CCNA1: variants seen among roughly 807,000 people sequenced by gnomAD.
The protein encoded by CCNA1 is cyclin A1, also known as cyclin-A1.
CCNA1 carries 23 observed loss-of-function variants against 54.1 expected under a neutral mutation model. That is an observed-to-expected ratio of 0.42 (90% CI 0.31 to 0.60). The LOEUF (loss-of-function observed/expected upper bound fraction) is 0.60, where lower values mean the gene tolerates loss of function less well. Among genes scored for constraint, CCNA1 ranks in the 20% least tolerant of loss-of-function variants. The probability of loss-of-function intolerance (pLI) is 0.14; values close to 1 mark genes in which losing one functional copy is unlikely to be tolerated. For synonymous variants in CCNA1, 208 were observed against 213.9 expected (o/e 0.97, Z 0.24); for missense variants, 450 against 556.7 (o/e 0.81, Z 1.93).
At position 36,437,771 on chromosome 13, in the gene CCNA1, G is replaced by C. The variant is rs935793918; in HGVS notation, c.440G>C (p.Arg147Thr). The C allele has an allele frequency of 1.2e-6, 2 of 1,614,192 alleles. No individual in the cohort carries two copies. Among genetic ancestry groups the C allele is most frequent in the African/African-American group, 2.7e-5 (2 of 75,052 alleles). The change falls in exon 3 of 9, where the codon AGA becomes ACA. Residue 147 changes from arginine to threonine, a missense_variant. Arg to Thr is a moderately conservative substitution (Grantham distance 71, BLOSUM62 -1). Around this residue, in one of 6 missense-constraint regions of CCNA1, gnomAD observed 103 missense variants for 92.9 expected, o/e 1.11. Coordinates refer to ENST00000255465, the MANE Select transcript of CCNA1 (RefSeq NM_003914.4). ...ATGGATGAACTAGAGCAGGGGGACA[G>C]AGACAGCTGCTCGGTCAGAGAGGGG...
At chr13:36,432,430 ACCCTGCCCCG>A (rs949240009), upstream of CCNA1, 2 of 224,886 alleles carry the variant, frequency 8.9e-6, no homozygotes, top group African/African-American at 6.4e-5. Context: ...GCCCTGCCCA[ACCCTGCCCCG>A]CCCTGCCCCG....
Position 36,442,753 on chromosome 13 carries a change from A to C in CCNA1, c.*88A>C. ...AGGCTTCTGCACGTTGGATCAACTA[A>C]TGTTGTTTACAATATAGATGACATT... On this transcript the variant is annotated 3_prime_UTR_variant, in exon 9 of 9. Coordinates refer to ENST00000255465, the MANE Select transcript of CCNA1 (RefSeq NM_003914.4). 9.6e-7 allele frequency: 1 copy of C among 1,046,644 alleles called. No homozygotes were observed. The highest frequency in any genetic ancestry group is 1.5e-6 in the Non-Finnish European group (1 of 674,126). 64.8% of individuals were successfully genotyped at this position (1,046,644 alleles called of 1,614,324 possible).
At position 36,442,290 on chromosome 13, in the gene CCNA1, G is replaced by C; in HGVS notation, c.1332G>C (p.Lys444Asn). 1 of 1,613,876 alleles carries C rather than the reference G, an allele frequency of 6.2e-7. No homozygotes were observed. The highest frequency in any genetic ancestry group is 1.6e-4 in the Middle Eastern group (1 of 6,062). The change falls in exon 8 of 9, where the codon AAG becomes AAC. Residue 444 changes from lysine to asparagine, a missense_variant. Lys to Asn is a moderately conservative substitution (Grantham distance 94). Transcript: ENST00000255465. ...GACCTCAGCAAGCAATTAGGGAGAA[G>C]TACAAGGCTTCAAAGTAAGTCACTG...
chr13:36,432,774 T>C (rs1454534293), intron 1 of CCNA1, 45 bp downstream of exon 1: 2 of 1,271,696 alleles, frequency 1.6e-6, no homozygotes, highest in Admixed American at 3.7e-5. Flanking sequence ...GTCAGAATGT[T>C]TCTCTCCTTC....
rs768345943 is a variant in CCNA1, at chr13:36,432,663, T to C, written c.42T>C (p.Phe14=). Residue 14 remains phenylalanine (F), a synonymous_variant, in exon 1 of 9, where the codon TTT becomes TTC. Transcript: ENST00000255465. Reference sequence around the variant, plus strand: ...CCGCAATCATGTACCCTGGATCTTTTATTGGGGGCTGGGGAGAAGAGTATC... The same window carrying C: ...CCGCAATCATGTACCCTGGATCTTTCATTGGGGGCTGGGGAGAAGAGTATC... The C allele has an allele frequency of 5.6e-6, 9 of 1,610,270 alleles. 1 individual carries two copies. The African/African-American group carries it at 8.0e-5, about 14-fold the overall frequency.
At chr13:36,437,977 T>A in intron 3 of CCNA1, 90 bp from the exon 4 acceptor site, 1 of 1,571,546 alleles carries the variant, frequency 6.4e-7, no homozygotes, top group Admixed American at 1.8e-5. Context: ...CAGCAAGTAA[T>A]AACTGTATTC....
chr13:36,432,734 C>T lies in CCNA1; in HGVS notation c.108+5C>T, dbSNP rs2055729923. The T allele has an allele frequency of 1.9e-6, 3 of 1,583,930 alleles. No homozygotes were observed. Among genetic ancestry groups the T allele is most frequent in the Admixed American group, 1.7e-5 (1 of 59,672 alleles). ...CTCCCAGATTTCGTCTTCCAGGTAACGTGGGTTTAGTATCCCGACTTGGAG... is the reference window on the plus strand; with the variant it reads ...CTCCCAGATTTCGTCTTCCAGGTAATGTGGGTTTAGTATCCCGACTTGGAG... On this transcript the variant is annotated splice_donor_5th_base_variant and intron_variant, in intron 1 of 8. Coordinates refer to ENST00000255465, the MANE Select transcript of CCNA1 (RefSeq NM_003914.4).
chr13:36,432,927 T>C, intron 1 of CCNA1, 106 bp from the exon 2 acceptor site: 1 of 1,096,544 alleles, frequency 9.1e-7, no homozygotes, highest in Non-Finnish European at 1.4e-6. Flanking sequence ...CAATTGGTGT[T>C]AGTCCCATTG....
chr13:36,440,974 C>G (rs935048873), intron 6 of CCNA1, 144 bp from the exon 7 acceptor site: 5 of 535,072 alleles, frequency 9.3e-6, no homozygotes, highest in Non-Finnish European at 1.3e-5. Flanking sequence ...CAATTACTAA[C>G]CCAGTAAGTA....
chr13:36,442,421 A>C (rs1338454980), intron 8 of CCNA1, 117 bp downstream of exon 8: 2 of 1,230,520 alleles, frequency 1.6e-6, no homozygotes, highest in East Asian at 4.8e-5. Flanking sequence ...TTGGAAAAGT[A>C]AGGGTACGTG....
At chr13:36,432,278 C>A, upstream of CCNA1, 1 of 252,672 alleles carries the variant, frequency 4.0e-6, no homozygotes, top group Non-Finnish European at 7.5e-6. Context: ...ATTCAACAGA[C>A]GCGGGTGGGC....
chr13:36,442,163 T>C lies in CCNA1; in HGVS notation c.1213-8T>C. The C allele has an allele frequency of 6.2e-7, 1 of 1,605,790 alleles. No individual in the cohort carries two copies. Among genetic ancestry groups the C allele is most frequent in the Non-Finnish European group, 8.5e-7 (1 of 1,175,354 alleles). ...TGTGAAGCAATTTTTTTCTTTTGTC[T>C]TGATTAGCCAGAAACCCTTGCTGCA... On this transcript the variant is annotated splice_region_variant and splice_polypyrimidine_tract_variant and intron_variant, in intron 7 of 8. Coordinates refer to ENST00000255465, the MANE Select transcript of CCNA1 (RefSeq NM_003914.4).
chr13:36,432,871 C>T (rs1192276887), intron 1 of CCNA1, 142 bp downstream of exon 1: 7 of 941,802 alleles, frequency 7.4e-6, no homozygotes, highest in Admixed American at 2.1e-5. Flanking sequence ...ATCGCCTGTG[C>T]GGTCGCACCT....
At chr13:36,432,316 G>T (rs1593317699), upstream of CCNA1, 13 of 336,452 alleles carry the variant, frequency 3.9e-5, no homozygotes, top group South Asian at 1.0e-3. Flanking sequence ...AAGCCCGGCC[G>T]CCTCCCAGGC....
chr13:36,438,088 C>T lies in CCNA1; in HGVS notation c.566C>T (p.Ser189Leu). The change falls in exon 4 of 9, where the codon TCA becomes TTA. Residue 189 changes from serine (S) to leucine (L), a missense_variant. By Grantham distance (145) the Ser-to-Leu change is moderately radical (BLOSUM62 -2). This residue lies in a region of CCNA1 where 103 missense variants were observed against 92.9 expected (regional missense o/e 1.11). Coordinates refer to ENST00000255465, the MANE Select transcript of CCNA1 (RefSeq NM_003914.4). ...GCAGTTTCCCCTATGCTGGTAGATT[C>T]ATCTCTCCTCTCCCAGTCTGAAGAT... 6.2e-7 allele frequency: 1 copy of T among 1,613,206 alleles called. No homozygotes were observed. Among genetic ancestry groups the T allele is most frequent in the Non-Finnish European group, 8.5e-7 (1 of 1,179,372 alleles).
At chr13:36,440,360 A>G (rs2055860922) in intron 6 of CCNA1, among the ~76,000 whole-genome samples, 177 bp downstream of exon 6, 1 of 152,164 alleles carries the variant, frequency 6.6e-6, no homozygotes, top group Non-Finnish European at 1.5e-5. Flanking sequence ...GTTATAAGGC[A>G]TTACTATTGA....
chr13:36,433,062 C>T lies in CCNA1; in HGVS notation c.138C>T (p.His46=), dbSNP rs147007878. The change falls in exon 2 of 9, where the codon CAC becomes CAT. Residue 46 remains histidine, a synonymous_variant. Transcript: ENST00000255465. ...AGCCCGTGGAGTCTGAAGCAATGCA[C>T]TGCAGCAACCCCAAGAGTGGAGTTG... is the stretch of plus-strand genomic sequence containing the variant. 1.2e-6 allele frequency: 2 copies of T among 1,613,880 alleles called. No individual in the cohort carries two copies. Among genetic ancestry groups the T allele is most frequent in the African/African-American group, 2.7e-5 (2 of 74,938 alleles).
At chr13:36,437,212 G>T (rs1593323390) in intron 2 of CCNA1, among the ~76,000 whole-genome samples, 1 of 152,020 alleles carries the variant, frequency 6.6e-6, no homozygotes, top group South Asian at 2.1e-4. Context: ...TTTAAGGAGG[G>T]GAATTGTAGG....
chr13:36,442,444 A>G (rs1163326942), intron 8 of CCNA1, 140 bp downstream of exon 8: 1 of 1,126,362 alleles, frequency 8.9e-7, no homozygotes, highest in Non-Finnish European at 1.3e-6. Context: ...CAAATTTACA[A>G]ATAAATTTGA....
Sources: allele counts gnomAD v4.1 joint callset (sites outside exome capture counted in the v4.1 genomes callset), GRCh38; gene constraint gnomAD v4.1.1; regional missense constraint gnomAD v4.1.1; transcripts MANE v1.5; gene names NCBI Gene and HGNC (gene_info 2026-07-23, HGNC 2026-07-21).